DSE: variants seen among roughly 807,000 people sequenced by gnomAD.
DSE encodes dermatan-sulfate epimerase.
DSE carries 36 observed loss-of-function variants against 84.4 expected under a neutral mutation model. The observed-to-expected ratio is 0.43, with a 90% CI of 0.33 to 0.56. The LOEUF is 0.56. Among genes scored for constraint, DSE ranks in the 20% least tolerant of loss-of-function variants. DSE has a pLI of 0.06. For synonymous variants in DSE, 410 were observed against 430.1 expected, an observed-to-expected ratio of 0.95 and a Z score of 0.58; for missense variants, 862 against 1,169.6, an observed-to-expected ratio of 0.74 and a Z score of 3.84.
chr6:116,258,773 C>T (rs751442070), exon 2 of DSE: 10 of 1,609,350 alleles, frequency 6.2e-6, no homozygotes, highest in Admixed American at 1.7e-5. Context: ...TTGATGATGG[C>T]GTTCACCAGG....
rs1460450815 is a variant in DSE, at chr6:116,444,137, A to G, written c.*6792A>G. 1 of 152,270 alleles carries G rather than the reference A, an allele frequency of 6.6e-6. No homozygotes were observed. 9.4% of individuals were successfully genotyped at this position (152,270 alleles called of 1,614,324 possible). A position where few individuals can be genotyped will look rare whatever the true frequency, so the allele number is the denominator to read the frequency against. On this transcript the variant is annotated 3_prime_UTR_variant, in exon 6 of 6. Coordinates refer to ENST00000644252, the MANE Select transcript of DSE (RefSeq NM_013352.4). ...GAAGAGAATTCTTAGAGCACTCTAT[A>G]TATTCAAACCTCCGTATTTTTTGAT...
rs557060574 is a variant in DSE at position 116,308,406 on chromosome 6, G to T, written c.-54+49439G>T. On this transcript the variant is annotated intron_variant, in intron 2 of 3. Coordinates refer to the DSE transcript ENST00000430252. Reference sequence around the variant, plus strand: ...GACCTTGTTTACTCTTAGATATTTTGATATGAGCTGTTTAGACAGAAAATA... The same window carrying T: ...GACCTTGTTTACTCTTAGATATTTTTATATGAGCTGTTTAGACAGAAAATA... 5.2e-4 allele frequency among the ~76,000 whole-genome samples: 79 copies of T among 152,232 alleles called. 1 individual carries two copies. The South Asian group carries it at 0.016, about 31-fold the overall frequency.
intron 1 of DSE, chr6:116,254,328 T>C (rs1333593601): frequency 3.4e-6 from 2 of 580,722 alleles, no homozygotes; most frequent in Admixed American, 4.3e-5. Flanking sequence ...TTTCTAAGCC[T>C]CTGAATGAAT....
At chr6:116,271,793 A>G (rs9372456) in intron 2 of DSE, among the ~76,000 whole-genome samples, 42,902 of 152,112 alleles carry the variant, frequency 0.28, 7,316 homozygotes, top group East Asian at 0.68. Flanking sequence ...ATGAAGTTCT[A>G]TTTTTTAAAT....
intron 2 of DSE, among the ~76,000 whole-genome samples, chr6:116,361,985 G>T (rs1369558636): frequency 6.6e-6 from 1 of 152,038 alleles, no homozygotes; most frequent in Non-Finnish European, 1.5e-5. Context: ...TACATATTTT[G>T]TATATGTCAT....
rs1177679887 is a variant in DSE, at chr6:116,426,824, C to G, written c.667C>G (p.Gln223Glu). The G allele has an allele frequency of 1.9e-6, 3 of 1,609,600 alleles. No homozygotes were observed. In the Admixed American group the frequency reaches 5.0e-5, roughly 27 times the overall value. ...LLTGSLVLMN[Q>E]GYLQEAYLWT... ...CACGGGAAGCCTAGTCCTGATGAATCAAGGTGGGTGTGGACACAGCCAAGG... is the reference window on the plus strand; with the variant it reads ...CACGGGAAGCCTAGTCCTGATGAATGAAGGTGGGTGTGGACACAGCCAAGG... Residue 223 changes from glutamine to glutamate, a missense_variant, in exon 3 of 6, where the codon CAA becomes GAA. Physicochemically the swap from Gln to Glu is conservative, Grantham distance 29. Coordinates refer to ENST00000644252, the MANE Select transcript of DSE (RefSeq NM_013352.4).
At chr6:116,395,412 G>A (rs745753463) in intron 1 of DSE, among the ~76,000 whole-genome samples, 1 of 149,718 alleles carries the variant, frequency 6.7e-6, no homozygotes, top group Non-Finnish European at 1.5e-5. Context: ...GCGACAGAGC[G>A]AGACTCCGTC....
chr6:116,336,150 A>C (rs765486508), intron 2 of DSE, among the ~76,000 whole-genome samples: 9 of 152,228 alleles, frequency 5.9e-5, no homozygotes, highest in Non-Finnish European at 1.2e-4. Context: ...ACTACATTTA[A>C]TGTAAATCTG....
intron 2 of DSE, among the ~76,000 whole-genome samples, chr6:116,299,551 T>C (rs757172745): frequency 0.51 from 26,880 of 53,136 alleles, 5,613 homozygotes; most frequent in Middle Eastern, 0.62. Context: ...TATATATATA[T>C]ACACATACAC....
exon 2 of DSE, chr6:116,258,944 C>T (rs748671088): frequency 7.2e-6 from 11 of 1,525,774 alleles, no homozygotes; most frequent in South Asian, 5.6e-5. Context: ...AAGCATTTGG[C>T]GGCATACCAC....
At position 116,437,145 on chromosome 6, in the gene DSE, G is replaced by A; in HGVS notation, c.2677G>A (p.Ala893Thr). ...ARMVTTTHSR[A>T]PSLSASYTRL... ...GATGGTGACAACTACACACAGCAGG[G>A]CCCCATCACTGTCTGCTTCCTATAC... The change falls in exon 6 of 6, where the codon GCC becomes ACC. Residue 893 changes from alanine to threonine, a missense_variant. Ala to Thr is a moderately conservative substitution (Grantham distance 58). Coordinates refer to ENST00000644252, the MANE Select transcript of DSE (RefSeq NM_013352.4). 1 of 1,614,108 alleles carries A rather than the reference G, an allele frequency of 6.2e-7. No homozygotes were observed. Among genetic ancestry groups the A allele is most frequent in the Non-Finnish European group, 8.5e-7 (1 of 1,179,994 alleles).
intron 2 of DSE, among the ~76,000 whole-genome samples, chr6:116,413,192 A>T (rs191797202): frequency 6.6e-6 from 1 of 152,182 alleles, no homozygotes; most frequent in East Asian, 1.9e-4. Context: ...AACTTTACAT[A>T]TATAAATATA....
chr6:116,298,221 C>A (rs1018030375), intron 2 of DSE, among the ~76,000 whole-genome samples: 1 of 152,120 alleles, frequency 6.6e-6, no homozygotes, highest in African/African-American at 2.4e-5. Context: ...AATGCCCTCC[C>A]CCCAGGAAAG....
At chr6:116,394,520 C>G (rs1477904168) in intron 1 of DSE, among the ~76,000 whole-genome samples, 2 of 151,914 alleles carry the variant, frequency 1.3e-5, no homozygotes, top group East Asian at 1.9e-4. Flanking sequence ...ACTGCAGCGT[C>G]GAACTCCTGA....
upstream of DSE, among the ~76,000 whole-genome samples, chr6:116,365,440 A>G (rs552881434): frequency 6.6e-6 from 1 of 152,130 alleles, no homozygotes; most frequent in South Asian, 2.1e-4. Flanking sequence ...TATTTAGTAG[A>G]GACGGGGTTT....
chr6:116,275,064 T>C (rs1359286366), intron 2 of DSE, among the ~76,000 whole-genome samples: 1 of 152,238 alleles, frequency 6.6e-6, no homozygotes, highest in Non-Finnish European at 1.5e-5. Context: ...AAAATTGAGA[T>C]ATTTTAACAT....
intron 2 of DSE, chr6:116,278,318 G>A (rs921357188): frequency 9.4e-6 from 6 of 636,824 alleles, no homozygotes; most frequent in Middle Eastern, 4.3e-4. Flanking sequence ...CAGCATGAAG[G>A]TCATATGGAA....
chr6:116,398,816 A>G (rs1422316043), intron 1 of DSE, among the ~76,000 whole-genome samples: 1 of 152,212 alleles, frequency 6.6e-6, no homozygotes, highest in Non-Finnish European at 1.5e-5. Context: ...AGATTCCCAG[A>G]TGATTGTTCA....
intron 1 of DSE, among the ~76,000 whole-genome samples, chr6:116,390,439 C>G (rs1304109496): frequency 6.6e-6 from 1 of 151,964 alleles, no homozygotes; most frequent in African/African-American, 2.4e-5. Flanking sequence ...ATTCTTATCC[C>G]CAACTTGGGT....
Sources: allele counts gnomAD v4.1 joint callset (sites outside exome capture counted in the v4.1 genomes callset), GRCh38; gene constraint gnomAD v4.1.1; transcripts MANE v1.5; gene names NCBI Gene and HGNC (gene_info 2026-07-23, HGNC 2026-07-21).